The following ETF1 variants were observed in gnomAD, a reference collection of about 807,000 sequenced individuals.
ETF1 encodes eukaryotic translation termination factor 1.
ETF1 carries 4 observed loss-of-function variants against 55.1 expected under a neutral mutation model. That is an observed-to-expected ratio of 0.07 (90% CI 0.04 to 0.17). The LOEUF (loss-of-function observed/expected upper bound fraction) is 0.17, where lower values mean the gene tolerates loss of function less well. ETF1 is among the 10% of genes least tolerant of loss of function. The pLI, the probability that ETF1 is intolerant of heterozygous loss-of-function variation, is 1.00. For synonymous variants in ETF1, 157 were observed against 182.3 expected, an observed-to-expected ratio of 0.86 and a Z score of 1.12; for missense variants, 142 against 523.6, an observed-to-expected ratio of 0.27 and a Z score of 7.11.
chr5:138,523,619 G>C (rs1010049119), intron 2 of ETF1, among the ~76,000 whole-genome samples: 4 of 152,208 alleles, frequency 2.6e-5, no homozygotes, highest in African/African-American at 9.7e-5. Flanking sequence ...TAGATTAGTG[G>C]TTGCCAGGGG....
chr5:138,528,818 T>C (rs1007185275), intron 2 of ETF1, among the ~76,000 whole-genome samples: 2 of 152,112 alleles, frequency 1.3e-5, no homozygotes, highest in Admixed American at 1.3e-4. Context: ...AAGGGTACTT[T>C]AATAACTTCT....
chr5:138,537,240 C>G (rs978350138), intron 2 of ETF1, among the ~76,000 whole-genome samples: 3 of 152,202 alleles, frequency 2.0e-5, no homozygotes, highest in Non-Finnish European at 4.4e-5. Context: ...ATCTATTTCT[C>G]CTCTTTCTCA....
At position 138,543,166 on chromosome 5, in the gene ETF1, G is replaced by T; in HGVS notation, c.-88C>A. The T allele has an allele frequency of 1.7e-6, 1 of 573,706 alleles. No individual in the cohort carries two copies. 35.5% of individuals were successfully genotyped at this position (573,706 alleles called of 1,614,324 possible). ...GCGGCTCCGCGGCGGCGGCGGCTCT[G>T]ACGTAGGACACCGGCTCCCTCTCTC... is the stretch of plus-strand genomic sequence containing the variant. On this transcript the variant is annotated 5_prime_UTR_variant, in exon 1 of 11. Transcript: ENST00000360541.
chr5:138,521,305 C>T (rs2127089579), intron 2 of ETF1, among the ~76,000 whole-genome samples: 1 of 152,258 alleles, frequency 6.6e-6, no homozygotes, highest in South Asian at 2.1e-4. Flanking sequence ...AGTAGAAATG[C>T]AGTTGCCAGC....
At chr5:138,512,241 TATATATATATATATATA>T (rs1561829870) in intron 6 of ETF1, among the ~76,000 whole-genome samples, 1 of 5,778 alleles carries the variant, frequency 1.7e-4, no homozygotes, top group African/African-American at 4.1e-4. Flanking sequence ...TATATATATA[TATATATATATATATATA>T]TTTTTTTTTT....
In ETF1 at chr5:138,508,233, T is replaced by A. The variant is rs1243996776; in HGVS notation, c.*72A>T. ...TTGTAAGGCAGGGATCTGTTTGGAT[T>A]CCACCATGGGTATGCTCCTTGGGTT... On this transcript the variant is annotated 3_prime_UTR_variant, in exon 11 of 11. Coordinates refer to ENST00000360541, the MANE Select transcript of ETF1 (RefSeq NM_004730.4). 3 of 1,525,146 alleles carry A rather than the reference T, an allele frequency of 2.0e-6. No individual in the cohort carries two copies. Among genetic ancestry groups the A allele is most frequent in the Non-Finnish European group, 2.7e-6 (3 of 1,121,386 alleles). 94.5% of individuals were successfully genotyped at this position (1,525,146 alleles called of 1,614,324 possible). A position where few individuals can be genotyped will look rare whatever the true frequency, so the allele number is the denominator to read the frequency against.
intron 2 of ETF1, among the ~76,000 whole-genome samples, chr5:138,530,913 T>A (rs190838986): frequency 6.6e-6 from 1 of 152,208 alleles, no homozygotes; most frequent in African/African-American, 2.4e-5. Context: ...AATCACTGCA[T>A]CTGGCTTGCT....
At chr5:138,520,749 G>A (rs1347269545) in intron 2 of ETF1, among the ~76,000 whole-genome samples, 2 of 152,122 alleles carry the variant, frequency 1.3e-5, no homozygotes, top group African/African-American at 4.8e-5. Flanking sequence ...AAGCCCAGGA[G>A]TTAGAAACTG....
intron 2 of ETF1, among the ~76,000 whole-genome samples, chr5:138,535,075 C>A (rs953586379): frequency 2.6e-5 from 4 of 151,182 alleles, no homozygotes; most frequent in Non-Finnish European, 4.4e-5. Flanking sequence ...CTCAGCCTCC[C>A]GAGTAGCTGG....
chr5:138,508,947 C>T, intron 9 of ETF1, 131 bp from the exon 10 acceptor site: 1 of 1,447,676 alleles, frequency 6.9e-7, no homozygotes, highest in Non-Finnish European at 9.1e-7. Flanking sequence ...GTGTAAAGCT[C>T]TGTAAGTCAT....
chr5:138,530,084 A>AG (rs1765634628), intron 2 of ETF1, among the ~76,000 whole-genome samples: 1 of 151,724 alleles, frequency 6.6e-6, no homozygotes, highest in African/African-American at 2.4e-5. Context: ...ATCATCAACA[A>AG]TGCTCAAGAA....
intron 2 of ETF1, among the ~76,000 whole-genome samples, chr5:138,525,962 G>T (rs199515227): frequency 1.9e-5 from 2 of 105,294 alleles, no homozygotes; most frequent in African/African-American, 3.2e-5. Context: ...AAAAAAAAAA[G>T]AAATGTGTTA....
At chr5:138,519,680 ATC>A (rs1172778436) in intron 2 of ETF1, among the ~76,000 whole-genome samples, 4 of 151,488 alleles carry the variant, frequency 2.6e-5, no homozygotes, top group South Asian at 2.1e-4. Context: ...AAAAAAAAAA[ATC>A]TCTCTCTCAC....
intron 2 of ETF1, among the ~76,000 whole-genome samples, chr5:138,530,400 T>C (rs1168492234): frequency 1.3e-5 from 2 of 152,134 alleles, no homozygotes; most frequent in Non-Finnish European, 2.9e-5. Flanking sequence ...TGCCTCAGCC[T>C]CCCAAGTAGC....
At chr5:138,540,999 G>T (rs1289669626) in intron 2 of ETF1, among the ~76,000 whole-genome samples, 1 of 152,144 alleles carries the variant, frequency 6.6e-6, no homozygotes, top group African/African-American at 2.4e-5. Context: ...TTAATTTTTT[G>T]GACTGTTTCA....
Position 138,508,304 on chromosome 5 carries a change from C to T in ETF1, c.*1G>A. 1.9e-6 allele frequency: 3 copies of T among 1,613,418 alleles called. No homozygotes were observed. The highest frequency in any genetic ancestry group is 2.5e-6 in the Non-Finnish European group (3 of 1,179,888). ...CGTTTTGCCGGACCCATGTCGACTACCTAGTAGTCATCAAGGTCAAAAAAT... is the reference window on the plus strand; with the variant it reads ...CGTTTTGCCGGACCCATGTCGACTATCTAGTAGTCATCAAGGTCAAAAAAT... On this transcript the variant is annotated 3_prime_UTR_variant, in exon 11 of 11. Transcript: ENST00000360541.
intron 2 of ETF1, among the ~76,000 whole-genome samples, chr5:138,532,683 A>G (rs1765753319): frequency 6.6e-6 from 1 of 152,218 alleles, no homozygotes; most frequent in Admixed American, 6.5e-5. Context: ...CCTTTACGGG[A>G]TTACAGGACT....
At chr5:138,510,713 A>G (rs1052905276) in intron 8 of ETF1, 84 bp from the exon 9 acceptor site, 10 of 1,541,136 alleles carry the variant, frequency 6.5e-6, no homozygotes, top group Non-Finnish European at 8.7e-6. Context: ...GTTAGATGAG[A>G]AAAGGGCTCA....
intron 2 of ETF1, among the ~76,000 whole-genome samples, chr5:138,527,835 C>T (rs1020393769): frequency 1.3e-5 from 2 of 151,856 alleles, no homozygotes; most frequent in African/African-American, 4.8e-5. Context: ...TGCAGTGGCA[C>T]GATGTCACCT....
Sources: allele counts gnomAD v4.1 joint callset (sites outside exome capture counted in the v4.1 genomes callset), GRCh38; gene constraint gnomAD v4.1.1; transcripts MANE v1.5; gene names NCBI Gene and HGNC (gene_info 2026-07-23, HGNC 2026-07-21).